GSTA3: variants seen among roughly 807,000 people sequenced by gnomAD.
GSTA3 encodes the protein glutathione S-transferase alpha 3.
GSTA3 carries 16 observed loss-of-function variants against 23.1 expected under a neutral mutation model. The ratio of observed to expected loss-of-function variants is 0.69; its 90% confidence interval spans 0.47 to 1.05. GSTA3 has a LOEUF of 1.05. Among genes scored for constraint, GSTA3 ranks in the 50% least tolerant of loss-of-function variants. GSTA3 has a pLI of 0.00. For synonymous variants in GSTA3, 122 were observed against 91.0 expected, an observed-to-expected ratio of 1.34 and a Z score of -1.94; for missense variants, 319 against 263.6, an observed-to-expected ratio of 1.21 and a Z score of -1.46.
chr6:52,905,191 CAATCATCTAGCTGCAGT>C (rs1765850552), intron 2 of GSTA3, among the ~76,000 whole-genome samples: 1 of 152,134 alleles, frequency 6.6e-6, no homozygotes, highest in African/African-American at 2.4e-5. Flanking sequence ...CTCTTTGTTT[CAATCATCTAGCTGCAGT>C]AATCACCAAC....
chr6:52,897,302 T>C (rs1259175064), intron 6 of GSTA3, among the ~76,000 whole-genome samples: 2 of 152,236 alleles, frequency 1.3e-5, no homozygotes, highest in Non-Finnish European at 2.9e-5. Context: ...AGGAAAATGT[T>C]ATAGAAAATA....
At chr6:52,897,765 T>C (rs986722368) in intron 6 of GSTA3, 60 bp downstream of exon 6, 13 of 1,594,724 alleles carry the variant, frequency 8.2e-6, no homozygotes, top group Admixed American at 5.0e-5. Context: ...AGGGCCCAGA[T>C]ACTAGATCCC....
chr6:52,898,970 G>C (rs531309790), intron 5 of GSTA3, among the ~76,000 whole-genome samples: 20 of 152,302 alleles, frequency 1.3e-4, no homozygotes, highest in Non-Finnish European at 2.4e-4. Flanking sequence ...GAGTGCTTTG[G>C]CAGGAGTCAG....
rs79111650 is a variant in GSTA3 at position 52,909,483 on chromosome 6, C to G, written c.-22+158G>C. On this transcript the variant is annotated intron_variant, in intron 1 of 6. Coordinates refer to ENST00000211122, the MANE Select transcript of GSTA3 (RefSeq NM_000847.5). ...ATATTATTTTTCTTTACCGACCTGT[C>G]CTTCAGGAACTAACAAACAATGCTT... 2.9e-3 allele frequency among the ~76,000 whole-genome samples: 447 copies of G among 152,254 alleles called. 3 individuals carry two copies. Among genetic ancestry groups the G allele is most frequent in the African/African-American group, 0.01 (431 of 41,540 alleles).
Position 52,896,861 on chromosome 6 carries a change from T to A in GSTA3, c.614A>T (p.Lys205Met). 1 of 1,614,120 alleles carries A rather than the reference T, an allele frequency of 6.2e-7. No homozygotes were observed. Among genetic ancestry groups the A allele is most frequent in the South Asian group, 1.1e-5 (1 of 91,068 alleles). Reference protein sequence around the residue: ...KKFLQPGSPRKPPADAKALEE... With the variant: ...KKFLQPGSPRMPPADAKALEE... Reference sequence around the variant, plus strand: ...TAAAGCTTTTGCATCTGCGGGAGGCTTCCTTGGGCTGCCAGGCTGTAGAAA... The same window carrying A: ...TAAAGCTTTTGCATCTGCGGGAGGCATCCTTGGGCTGCCAGGCTGTAGAAA... Residue 205 changes from lysine (K) to methionine (M), a missense_variant, in exon 7 of 7, where the codon AAG becomes ATG. Physicochemically the swap from Lys to Met is moderately conservative, Grantham distance 95. Coordinates refer to ENST00000211122, the MANE Select transcript of GSTA3 (RefSeq NM_000847.5).
intron 3 of GSTA3, 107 bp from the exon 4 acceptor site, chr6:52,902,585 T>G: frequency 8.5e-7 from 1 of 1,175,018 alleles, no homozygotes; most frequent in Non-Finnish European, 1.2e-6. Context: ...GAAAAAGAAA[T>G]TATTGCCTGC....
At chr6:52,908,883 AC>A (rs752922896) in intron 1 of GSTA3, among the ~76,000 whole-genome samples, 4 of 152,148 alleles carry the variant, frequency 2.6e-5, no homozygotes, top group Non-Finnish European at 5.9e-5. Context: ...GAGACTTTAA[AC>A]CCTGCTCACC....
chr6:52,897,772 T>A, intron 6 of GSTA3, 53 bp downstream of exon 6: 1 of 1,604,696 alleles, frequency 6.2e-7, no homozygotes, highest in South Asian at 1.1e-5. Flanking sequence ...AGATACTAGA[T>A]CCCAAGATGG....
At chr6:52,898,144 G>A (rs1581856121) in intron 5 of GSTA3, among the ~76,000 whole-genome samples, 188 bp from the exon 6 acceptor site, 1 of 152,182 alleles carries the variant, frequency 6.6e-6, no homozygotes. Context: ...TCACTCCTCA[G>A]TTGGAGCTCA....
At chr6:52,898,048 C>T in intron 5 of GSTA3, 92 bp from the exon 6 acceptor site, 1 of 1,399,730 alleles carries the variant, frequency 7.1e-7, no homozygotes, top group Non-Finnish European at 1.0e-6. Flanking sequence ...GACATTCCCA[C>T]CTGTGTTGCC....
chr6:52,900,991 C>T (rs1452450882), intron 4 of GSTA3, among the ~76,000 whole-genome samples: 2 of 152,188 alleles, frequency 1.3e-5, no homozygotes, highest in Non-Finnish European at 2.9e-5. Flanking sequence ...TTACTTGAGA[C>T]CCCACCTAAA....
At position 52,902,717 on chromosome 6, in the gene GSTA3, G is replaced by A. The variant is rs916732192; in HGVS notation, c.140-239C>T. Among the ~76,000 whole-genome samples, 38 of 152,262 alleles carry A rather than the reference G, an allele frequency of 2.5e-4. 1 individual carries two copies. Among genetic ancestry groups the A allele is most frequent in the African/African-American group, 8.2e-4 (34 of 41,536 alleles). On this transcript the variant is annotated intron_variant, in intron 3 of 6. Coordinates refer to ENST00000211122, the MANE Select transcript of GSTA3 (RefSeq NM_000847.5). ...TTTTTATTCCCCATCCAGGTACATA[G>A]TAGGTCCCTTGTATTTTACTTGCGT... is the stretch of plus-strand genomic sequence containing the variant.
chr6:52,898,194 T>G (rs1301261868), intron 5 of GSTA3, among the ~76,000 whole-genome samples: 4 of 152,112 alleles, frequency 2.6e-5, no homozygotes, highest in African/African-American at 9.7e-5. Context: ...CACTGTGGCA[T>G]CCACACCATC....
chr6:52,903,756 T>C (rs373303285), intron 2 of GSTA3, 29 bp from the exon 3 acceptor site: 472 of 1,373,566 alleles, frequency 3.4e-4, no homozygotes, highest in Non-Finnish European at 4.4e-4. Flanking sequence ...AATGGGTTCT[T>C]GTTAGTTCGT....
Position 52,896,854 on chromosome 6 carries a change from G to C in GSTA3, c.621C>G (p.Pro207=), listed in dbSNP as rs536937526. 5 of 1,613,908 alleles carry C rather than the reference G, an allele frequency of 3.1e-6. No homozygotes were observed. Among genetic ancestry groups the C allele is most frequent in the Non-Finnish European group, 4.2e-6 (5 of 1,179,974 alleles). ...CTTCTTCTAAAGCTTTTGCATCTGCGGGAGGCTTCCTTGGGCTGCCAGGCT... is the reference window on the plus strand; with the variant it reads ...CTTCTTCTAAAGCTTTTGCATCTGCCGGAGGCTTCCTTGGGCTGCCAGGCT... ...FLQPGSPRKP[P]ADAKALEEAR... Residue 207 remains proline, a synonymous_variant, in exon 7 of 7, where the codon CCC becomes CCG. Coordinates refer to ENST00000211122, the MANE Select transcript of GSTA3 (RefSeq NM_000847.5).
chr6:52,904,152 A>G (rs996948175), intron 2 of GSTA3, among the ~76,000 whole-genome samples: 20 of 151,872 alleles, frequency 1.3e-4, no homozygotes, highest in African/African-American at 4.8e-4. Flanking sequence ...ACATCCAGCT[A>G]ATTTTTTATT....
chr6:52,904,154 T>C (rs45538538), intron 2 of GSTA3, among the ~76,000 whole-genome samples: 2,746 of 152,146 alleles, frequency 0.018, 51 homozygotes, highest in Middle Eastern at 0.054. Context: ...ATCCAGCTAA[T>C]TTTTTATTTC....
chr6:52,898,283 G>A (rs143280152), intron 5 of GSTA3, among the ~76,000 whole-genome samples: 24 of 152,192 alleles, frequency 1.6e-4, no homozygotes, highest in African/African-American at 4.3e-4. Flanking sequence ...GCCCTACAGC[G>A]TGTAGCCTTG....
At chr6:52,904,372 A>G (rs954198813) in intron 2 of GSTA3, among the ~76,000 whole-genome samples, 2 of 152,156 alleles carry the variant, frequency 1.3e-5, no homozygotes, top group African/African-American at 4.8e-5. Flanking sequence ...AAAGGCACTG[A>G]GCTGCAGAGC....
Sources: allele counts gnomAD v4.1 joint callset (sites outside exome capture counted in the v4.1 genomes callset), GRCh38; gene constraint gnomAD v4.1.1; transcripts MANE v1.5; gene names NCBI Gene and HGNC (gene_info 2026-07-23, HGNC 2026-07-21).